The following PLPP4 variants were observed in gnomAD, a reference collection of about 807,000 sequenced individuals.
PLPP4 encodes the protein phospholipid phosphatase 4.
PLPP4 carries 20 observed loss-of-function variants against 32.2 expected under a neutral mutation model. The ratio of observed to expected loss-of-function variants is 0.62; its 90% confidence interval spans 0.44 to 0.90. The LOEUF is 0.90. PLPP4 is among the 40% of genes least tolerant of loss of function. The pLI, the probability that PLPP4 is intolerant of heterozygous loss-of-function variation, is 0.00. For missense variants in PLPP4, 257 were observed against 353.1 expected (o/e 0.73, Z 2.18); for synonymous variants, 127 against 133.0 (o/e 0.95, Z 0.31).
At chr10:120,466,381 A>G (rs950457570) in intron 1 of PLPP4, among the ~76,000 whole-genome samples, 19 of 152,202 alleles carry the variant, frequency 1.2e-4, no homozygotes, top group Non-Finnish European at 1.3e-4. Context: ...CCATATATCC[A>G]TGGGTAAAAT....
At chr10:120,536,371 A>G (rs1823300225) in intron 5 of PLPP4, among the ~76,000 whole-genome samples, 1 of 152,112 alleles carries the variant, frequency 6.6e-6, no homozygotes, top group Non-Finnish European at 1.5e-5. Context: ...TAGAAAGCCC[A>G]GAAGGAAACT....
At chr10:120,471,827 T>C (rs555134563) in intron 1 of PLPP4, among the ~76,000 whole-genome samples, 1 of 152,118 alleles carries the variant, frequency 6.6e-6, no homozygotes, top group African/African-American at 2.4e-5. Context: ...TGTCTTCTTT[T>C]AGATTAGTTA....
chr10:120,583,086 C>T (rs1410747218), intron 6 of PLPP4, among the ~76,000 whole-genome samples: 1 of 151,890 alleles, frequency 6.6e-6, no homozygotes, highest in African/African-American at 2.4e-5. Context: ...CTGACTTTTG[C>T]CCTAGTACCT....
At chr10:120,527,229 T>C (rs1178958126) in intron 5 of PLPP4, among the ~76,000 whole-genome samples, 1 of 152,144 alleles carries the variant, frequency 6.6e-6, no homozygotes, top group Non-Finnish European at 1.5e-5. Flanking sequence ...CTGAAATCTA[T>C]AGGGCAGGGT....
rs1214377501 is a variant in PLPP4 at position 120,521,067 on chromosome 10, CA to C, written c.421del (p.Ser141AlafsTer50). 4 of 1,614,018 alleles carry C rather than the reference CA, an allele frequency of 2.5e-6. No individual in the cohort carries two copies. In the Admixed American group the frequency reaches 6.7e-5, roughly 27 times the overall value. On this transcript the variant is annotated frameshift_variant, in exon 5 of 7. Transcript: ENST00000398250. LOFTEE classifies it high-confidence loss of function. ...GDPDLVSEGR[K>X]SFPSIHSSFA... is the part of the protein sequence containing the mutation. The stretch of plus-strand genomic sequence containing the variant: ...ACCCCGATCTGGTGTCCGAGGGCCG[CA>C]AAAGCTTCCCCAGCATCCATTCCTC...
intron 1 of PLPP4, among the ~76,000 whole-genome samples, chr10:120,465,267 C>T (rs1420310714): frequency 6.6e-6 from 1 of 152,200 alleles, no homozygotes; most frequent in Non-Finnish European, 1.5e-5. Flanking sequence ...AAGACTGCTG[C>T]CTGCCAGTGG....
chr10:120,520,905 G>C, intron 4 of PLPP4, 66 bp from the exon 5 acceptor site: 2 of 1,591,906 alleles, frequency 1.3e-6, no homozygotes, highest in Non-Finnish European at 1.7e-6. Context: ...GAGTTGGGGG[G>C]GTCAGCTTGG....
rs1008113147 is a variant in PLPP4 at position 120,591,710 on chromosome 10, A to C, written c.*2208A>C. Among the ~76,000 whole-genome samples the C allele has an allele frequency of 6.6e-6, 1 of 152,060 alleles. No individual in the cohort carries two copies. Among genetic ancestry groups the C allele is most frequent in the African/African-American group, 2.4e-5 (1 of 41,446 alleles). The stretch of plus-strand genomic sequence containing the variant: ...AAAGGAAAAGGGTTGTACTTCAGTT[A>C]ATAAAGACTTAAAATTCTGGACCAT... On this transcript the variant is annotated 3_prime_UTR_variant, in exon 7 of 7. Coordinates refer to ENST00000398250, the MANE Select transcript of PLPP4 (RefSeq NM_001030059.3).
chr10:120,575,249 C>A lies in PLPP4; in HGVS notation c.564C>A (p.Cys188Ter). 6.2e-7 allele frequency: 1 copy of A among 1,614,114 alleles called. No homozygotes were observed. The highest frequency in any genetic ancestry group is 8.5e-7 in the Non-Finnish European group (1 of 1,180,020). The change falls in exon 6 of 7, where the codon TGC (cysteine) becomes TGA (stop). Residue 188 changes from cysteine (C) to a stop codon, truncating the protein, a stop_gained. Transcript: ENST00000398250. LOFTEE classifies it high-confidence loss of function. ...GTGCTGCCATCCTGCCCTTGTACTG[C>A]GCCATGATGATTGCCCTGTCCCGCA... ...RLCAAILPLY[C>*]AMMIALSRMC...
intron 2 of PLPP4, among the ~76,000 whole-genome samples, chr10:120,512,875 A>C (rs769576713): frequency 2.6e-5 from 4 of 152,160 alleles, no homozygotes; most frequent in African/African-American, 4.8e-5. Context: ...TTCCATCAGG[A>C]AACCCCTCTC....
intron 1 of PLPP4, among the ~76,000 whole-genome samples, chr10:120,478,995 G>C (rs1449283425): frequency 1.3e-5 from 2 of 152,228 alleles, no homozygotes. Flanking sequence ...GGGAGGCCAA[G>C]GTGGGCAGAT....
At chr10:120,547,309 A>T (rs11199392) in intron 5 of PLPP4, among the ~76,000 whole-genome samples, 1 of 152,038 alleles carries the variant, frequency 6.6e-6, no homozygotes, top group Non-Finnish European at 1.5e-5. Context: ...TCATAACCCT[A>T]TGAGAACCTA....
chr10:120,502,952 G>T (rs1185728900), intron 1 of PLPP4, among the ~76,000 whole-genome samples: 2 of 152,136 alleles, frequency 1.3e-5, no homozygotes, highest in African/African-American at 4.8e-5. Context: ...CAGAAGCCTA[G>T]GAATCAGCTT....
chr10:120,529,345 C>T (rs533637013), intron 5 of PLPP4, among the ~76,000 whole-genome samples: 1 of 152,190 alleles, frequency 6.6e-6, no homozygotes, highest in Non-Finnish European at 1.5e-5. Context: ...GCTGAGGAAG[C>T]CTGTTCTAGG....
intron 5 of PLPP4, among the ~76,000 whole-genome samples, chr10:120,527,346 G>A (rs555510459): frequency 3.9e-5 from 6 of 152,252 alleles, no homozygotes; most frequent in Admixed American, 3.3e-4. Context: ...CAGTCTTGAC[G>A]TAGAACTCCT....
intron 4 of PLPP4, among the ~76,000 whole-genome samples, chr10:120,519,454 C>A (rs1487761409): frequency 6.6e-6 from 1 of 151,570 alleles, no homozygotes; most frequent in Non-Finnish European, 1.5e-5. Flanking sequence ...GCCTGGGACA[C>A]ACTAGATCCC....
intron 4 of PLPP4, among the ~76,000 whole-genome samples, chr10:120,520,680 T>C (rs1272366830): frequency 1.3e-5 from 2 of 152,116 alleles, no homozygotes; most frequent in African/African-American, 4.8e-5. Context: ...TCAGTATTGA[T>C]TTCCCCCTTC....
At chr10:120,573,403 C>T (rs145941809) in intron 5 of PLPP4, among the ~76,000 whole-genome samples, 7 of 152,188 alleles carry the variant, frequency 4.6e-5, no homozygotes, top group East Asian at 1.9e-4. Flanking sequence ...AAGGCACATT[C>T]TTATCAGAGA....
At chr10:120,516,243 A>G (rs1230224611) in intron 3 of PLPP4, among the ~76,000 whole-genome samples, 1 of 152,190 alleles carries the variant, frequency 6.6e-6, no homozygotes, top group Non-Finnish European at 1.5e-5. Context: ...TCTGGAATTC[A>G]GGACTCTATC....
Sources: allele counts gnomAD v4.1 joint callset (sites outside exome capture counted in the v4.1 genomes callset), GRCh38; gene constraint gnomAD v4.1.1; transcripts MANE v1.5; gene names NCBI Gene and HGNC (gene_info 2026-07-23, HGNC 2026-07-21).